Variants in TMEM187 observed in about 807,000 individuals in gnomAD.
TMEM187 encodes the protein chromosome X open reading frame 12.
TMEM187 carries 14 observed loss-of-function variants against 11.8 expected under a neutral mutation model. The observed-to-expected ratio is 1.18, with a 90% CI of 0.78 to 1.85. TMEM187 has a LOEUF of 1.85. TMEM187 is among the 40% of genes most tolerant of loss of function. The probability of loss-of-function intolerance (pLI) is 0.00; values close to 1 mark genes in which losing one functional copy is unlikely to be tolerated. For missense variants in TMEM187, 227 were observed against 243.9 expected (o/e 0.93, Z 0.46); for synonymous variants, 112 against 118.5 (o/e 0.95, Z 0.36).
intron 1 of TMEM187, among the ~76,000 whole-genome samples, chrX:153,973,684 A>AAC (rs3055213): frequency 0.044 from 4,640 of 106,124 alleles, 183 homozygotes; most frequent in African/African-American, 0.12. Context: ...CTGTCTCAAA[A>AAC]ACACACACAC....
intron 1 of TMEM187, among the ~76,000 whole-genome samples, chrX:153,975,393 C>T (rs1308244716): frequency 1.9e-5 from 2 of 104,263 alleles, no homozygotes; most frequent in Non-Finnish European, 3.9e-5. Flanking sequence ...TGCAGTGGCA[C>T]AATCTTGGCT....
chrX:153,972,988 C>T (rs1209141792), intron 1 of TMEM187, 128 bp downstream of exon 1: 1 of 116,735 alleles, frequency 8.6e-6, no homozygotes, highest in Non-Finnish European at 1.8e-5. Context: ...ACGCGCAGGC[C>T]GCAGCGCGGG....
intron 1 of TMEM187, among the ~76,000 whole-genome samples, chrX:153,974,829 T>C (rs893115302): frequency 3.6e-5 from 4 of 112,380 alleles, no homozygotes; most frequent in Non-Finnish European, 7.5e-5. Flanking sequence ...ATGCCAAGCC[T>C]GGTGGCCCTC....
At chrX:153,978,577 T>C (rs1557121826) in intron 1 of TMEM187, among the ~76,000 whole-genome samples, 3 of 85,026 alleles carry the variant, frequency 3.5e-5, no homozygotes, top group Non-Finnish European at 6.9e-5. Flanking sequence ...CACTTTTTTT[T>C]TTTTTTTTTT....
chrX:153,972,969 C>T (rs1256942781), intron 1 of TMEM187, 109 bp downstream of exon 1: 38 of 116,862 alleles, frequency 3.3e-4, no homozygotes, highest in African/African-American at 1.2e-3. Context: ...CGGCGGCATC[C>T]GCCCTGCCAC....
chrX:153,978,197 C>G (rs926989593), intron 1 of TMEM187, among the ~76,000 whole-genome samples: 1 of 108,335 alleles, frequency 9.2e-6, no homozygotes, highest in South Asian at 4.2e-4. Flanking sequence ...GGCGACAGAG[C>G]AAGAGTCTGT....
At chrX:153,978,273 C>CAT (rs782489260) in intron 1 of TMEM187, among the ~76,000 whole-genome samples, 1 of 99,423 alleles carries the variant, frequency 1.0e-5, no homozygotes, top group African/African-American at 3.7e-5. Flanking sequence ...TATACAGATA[C>CAT]TTTTTTTTTT....
chrX:153,981,542 G>A (rs1390977157), intron 1 of TMEM187, among the ~76,000 whole-genome samples: 12 of 112,131 alleles, frequency 1.1e-4, no homozygotes, highest in Admixed American at 3.8e-4. Flanking sequence ...GGCTGGAGAC[G>A]TCCACTTTTA....
At position 153,982,584 on chromosome X, in the gene TMEM187, T is replaced by C; in HGVS notation, c.522T>C (p.Ala174=). ...CACTGGGTGCTCACGTGGTGGCCGC[T>C]GTGGGGCAGGCGCTGCGCACCCACA... ...EVALGAHVVA[A]VGQALRTHRH... is the part of the protein sequence containing the mutation. The change falls in exon 2 of 2, where the codon GCT becomes GCC. Residue 174 remains alanine (A), a synonymous_variant. Coordinates refer to ENST00000369982, the MANE Select transcript of TMEM187 (RefSeq NM_003492.3). 1.2e-5 allele frequency: 14 copies of C among 1,211,247 alleles called. No individual in the cohort carries two copies. Among genetic ancestry groups the C allele is most frequent in the Non-Finnish European group, 1.5e-5 (13 of 895,605 alleles).
Position 153,982,236 on chromosome X carries a change from A to G in TMEM187, c.174A>G (p.Ser58=), listed in dbSNP as rs781973860. The change falls in exon 2 of 2, where the codon TCA becomes TCG. Residue 58 remains serine (S), a synonymous_variant. Coordinates refer to ENST00000369982, the MANE Select transcript of TMEM187 (RefSeq NM_003492.3). ...CCTTCCTGGCCATGCCGTTCAACTC[A>G]CTCGTGAACATGGCCTACACGCTGC... The part of the protein sequence containing the change: ...LPAFLAMPFN[S]LVNMAYTLLG... 2 of 1,211,419 alleles carry G rather than the reference A, an allele frequency of 1.7e-6. No homozygotes were observed. The highest frequency in any genetic ancestry group is 3.0e-5 in the East Asian group (1 of 33,839).
In TMEM187 at chrX:153,982,535, T is replaced by C; in HGVS notation, c.473T>C (p.Leu158Pro). The change falls in exon 2 of 2, where the codon CTG becomes CCG. Residue 158 changes from leucine (L) to proline (P), a missense_variant. Coordinates refer to ENST00000369982, the MANE Select transcript of TMEM187 (RefSeq NM_003492.3). ...VSLASYGLAL[L>P]HPQGFEVALG... ...CTGGCCAGTTATGGCCTCGCTCTGC[T>C]GCATCCCCAGGGCTTCGAGGTCGCA... The C allele has an allele frequency of 1.7e-6, 2 of 1,207,724 alleles. No individual in the cohort carries two copies. Among genetic ancestry groups the C allele is most frequent in the Non-Finnish European group, 2.2e-6 (2 of 895,278 alleles).
At chrX:153,980,805 G>A (rs1032137362) in intron 1 of TMEM187, among the ~76,000 whole-genome samples, 4 of 108,207 alleles carry the variant, frequency 3.7e-5, no homozygotes, top group South Asian at 4.1e-4. Context: ...TCTAATCACC[G>A]CTACTAGGGA....
rs781834912 is a variant in TMEM187 at position 153,982,879 on chromosome X, AC to A, written c.*36del. ...GGGAAGAACCTGCTGAAAACCGATGACCCCCAGCATTGAAATGGACTCTGAG... is the reference window on the plus strand; with the variant it reads ...GGGAAGAACCTGCTGAAAACCGATGACCCCAGCATTGAAATGGACTCTGAG... On this transcript the variant is annotated 3_prime_UTR_variant, in exon 2 of 2. Coordinates refer to ENST00000369982, the MANE Select transcript of TMEM187 (RefSeq NM_003492.3). 8.3e-7 allele frequency: 1 copy of A among 1,210,222 alleles called. No individual in the cohort carries two copies. The highest frequency in any genetic ancestry group is 1.8e-5 in the South Asian group (1 of 56,817).
intron 1 of TMEM187, among the ~76,000 whole-genome samples, chrX:153,979,392 G>A (rs2065589924): frequency 9.3e-6 from 1 of 108,019 alleles, no homozygotes; most frequent in African/African-American, 3.4e-5. Context: ...TTAATTTTAT[G>A]TATTTTGTGT....
At chrX:153,974,743 G>A (rs2065571291) in intron 1 of TMEM187, among the ~76,000 whole-genome samples, 2 of 112,217 alleles carry the variant, frequency 1.8e-5, no homozygotes, top group South Asian at 7.4e-4. Flanking sequence ...TGTGAAGCAA[G>A]GACGTATGGA....
intron 1 of TMEM187, among the ~76,000 whole-genome samples, chrX:153,978,218 C>A (rs937014180): frequency 1.6e-4 from 17 of 107,563 alleles, no homozygotes; most frequent in Non-Finnish European, 2.7e-4. Context: ...CTCAAAAAAA[C>A]AAAATAAAAT....
At chrX:153,977,173 G>A (rs1186636239) in intron 1 of TMEM187, among the ~76,000 whole-genome samples, 1 of 111,958 alleles carries the variant, frequency 8.9e-6, no homozygotes, top group East Asian at 2.8e-4. Context: ...AATTTCTTGT[G>A]TATTTTCAAA....
intron 1 of TMEM187, among the ~76,000 whole-genome samples, chrX:153,975,333 T>G (rs140812713): frequency 0.034 from 3,731 of 110,558 alleles, 160 homozygotes; most frequent in African/African-American, 0.12. Context: ...TGTATTTATT[T>G]ATTTATTTAT....
At chrX:153,979,055 T>C (rs1557121943) in intron 1 of TMEM187, among the ~76,000 whole-genome samples, 1 of 112,121 alleles carries the variant, frequency 8.9e-6, no homozygotes, top group African/African-American at 3.2e-5. Flanking sequence ...CCCAAAGTGT[T>C]GGGATTATAG....
Sources: allele counts gnomAD v4.1 joint callset (sites outside exome capture counted in the v4.1 genomes callset), GRCh38; gene constraint gnomAD v4.1.1; transcripts MANE v1.5; gene names NCBI Gene and HGNC (gene_info 2026-07-23, HGNC 2026-07-21).